The following SLC35D4 variants were observed in gnomAD, a reference collection of about 807,000 sequenced individuals.
SLC35D4 encodes UDP-N-acetylglucosamine transporter SLC35D4.
the SLC35D4 span, among the ~76,000 whole-genome samples, chr18:23,368,383 C>T: frequency 2.0e-5 from 3 of 152,200 alleles, no homozygotes; most frequent in Non-Finnish European, 4.4e-5. Context: ...GCCCTGGAAT[C>T]GAGCTCAGGG....
the SLC35D4 span, among the ~76,000 whole-genome samples, chr18:23,428,472 A>G: frequency 6.6e-6 from 1 of 152,176 alleles, no homozygotes; most frequent in Non-Finnish European, 1.5e-5. Context: ...ATATGTTAAT[A>G]TTCAAGGAGA....
the SLC35D4 span, among the ~76,000 whole-genome samples, chr18:23,369,296 T>C: frequency 3.9e-5 from 6 of 152,218 alleles, no homozygotes; most frequent in Non-Finnish European, 8.8e-5. Context: ...TCAGGAGTCA[T>C]TCCCTTCAGA....
the SLC35D4 span, among the ~76,000 whole-genome samples, chr18:23,293,767 G>A: frequency 6.6e-6 from 1 of 152,206 alleles, no homozygotes. Context: ...GAAGGGCAAA[G>A]GAAAGAAAAT....
chr18:23,258,701 C>T, the SLC35D4 span: 1 of 152,108 alleles, frequency 6.6e-6, no homozygotes, highest in Non-Finnish European at 1.5e-5. Flanking sequence ...TCACCTTTGC[C>T]CTGCATTGCT....
the SLC35D4 span, among the ~76,000 whole-genome samples, chr18:23,416,587 C>A: frequency 6.6e-6 from 1 of 152,178 alleles, no homozygotes; most frequent in Admixed American, 6.5e-5. Flanking sequence ...CATCTGGTAA[C>A]GCTCCTTTGC....
the SLC35D4 span, among the ~76,000 whole-genome samples, chr18:23,357,709 T>G: frequency 6.6e-6 from 1 of 152,256 alleles, no homozygotes; most frequent in Non-Finnish European, 1.5e-5. Flanking sequence ...TCCTATGCTT[T>G]CTTGGAGACC....
chr18:23,382,278 G>C, the SLC35D4 span, among the ~76,000 whole-genome samples: 1 of 151,130 alleles, frequency 6.6e-6, no homozygotes, highest in African/African-American at 2.4e-5. Flanking sequence ...GATCCCTTTG[G>C]AGAATATGAG....
chr18:23,390,619 G>A, the SLC35D4 span, among the ~76,000 whole-genome samples: 1 of 152,032 alleles, frequency 6.6e-6, no homozygotes, highest in African/African-American at 2.4e-5. Context: ...AATTTTGAAG[G>A]CTTGGTTATT....
At chr18:23,345,364 C>A in the SLC35D4 span, among the ~76,000 whole-genome samples, 4 of 151,660 alleles carry the variant, frequency 2.6e-5, no homozygotes, top group Non-Finnish European at 5.9e-5. Flanking sequence ...CACCTGTAAT[C>A]CCAGCTGCTC....
chr18:23,343,170 G>T, the SLC35D4 span, among the ~76,000 whole-genome samples: 3 of 152,186 alleles, frequency 2.0e-5, no homozygotes, highest in Admixed American at 6.5e-5. Context: ...TGATCCACCT[G>T]CCTCGGCTTC....
the SLC35D4 span, among the ~76,000 whole-genome samples, chr18:23,434,280 T>C: frequency 6.6e-6 from 1 of 152,114 alleles, no homozygotes; most frequent in Non-Finnish European, 1.5e-5. Context: ...TTTCCTGCCT[T>C]CTGCTGTTCT....
the SLC35D4 span, among the ~76,000 whole-genome samples, chr18:23,407,295 T>C: frequency 1.3e-5 from 2 of 152,144 alleles, no homozygotes; most frequent in East Asian, 3.8e-4. Flanking sequence ...ACAACCTCAA[T>C]AAATGCTGCC....
At chr18:23,345,917 T>C in the SLC35D4 span, among the ~76,000 whole-genome samples, 4 of 152,286 alleles carry the variant, frequency 2.6e-5, no homozygotes, top group African/African-American at 9.6e-5. Context: ...TTTGATGCTA[T>C]TGTGAATGGA....
At chr18:23,323,290 G>C in the SLC35D4 span, among the ~76,000 whole-genome samples, 2 of 152,220 alleles carry the variant, frequency 1.3e-5, no homozygotes, top group Admixed American at 1.3e-4. Context: ...ACATTTAGCA[G>C]TAATGGAGGT....
chr18:23,428,156 C>G, the SLC35D4 span, among the ~76,000 whole-genome samples: 4 of 151,852 alleles, frequency 2.6e-5, no homozygotes, highest in East Asian at 7.7e-4. Flanking sequence ...TACCCCAGAA[C>G]TTAAAGTATA....
chr18:23,376,873 T>C, the SLC35D4 span: 1 of 456,764 alleles, frequency 2.2e-6, no homozygotes. Flanking sequence ...CTTTGACACC[T>C]GCTAGTCTCC....
chr18:23,392,726 G>C, the SLC35D4 span, among the ~76,000 whole-genome samples: 3 of 152,196 alleles, frequency 2.0e-5, no homozygotes, highest in African/African-American at 7.2e-5. Context: ...GGGCGGACTT[G>C]CCTGCTCTCA....
the SLC35D4 span, among the ~76,000 whole-genome samples, chr18:23,415,514 C>CA: frequency 6.6e-6 from 1 of 152,224 alleles, no homozygotes; most frequent in Non-Finnish European, 1.5e-5. Flanking sequence ...GAAATTACAC[C>CA]TGAGCCTGCC....
the SLC35D4 span, among the ~76,000 whole-genome samples, chr18:23,308,961 G>A: frequency 6.7e-6 from 1 of 149,812 alleles, no homozygotes; most frequent in Non-Finnish European, 1.5e-5. Context: ...GGGTTGTCAA[G>A]TCTCTTATAT....
Sources: gnomAD v4.1 joint callset for allele counts (sites outside exome capture counted in the v4.1 genomes callset) on GRCh38, gnomAD v4.1.1 for gene constraint, MANE v1.5 for transcripts, NCBI Gene and HGNC (gene_info 2026-07-23, HGNC 2026-07-21) for gene names.